IDE: variants seen among roughly 807,000 people sequenced by gnomAD.
The protein encoded by IDE is insulin-degrading enzyme.
In IDE, 58 loss-of-function variants were observed where a neutral mutation model predicts 133.2. The observed-to-expected ratio is 0.44, with a 90% CI of 0.35 to 0.54. The LOEUF (loss-of-function observed/expected upper bound fraction) is 0.54, where lower values mean the gene tolerates loss of function less well. Ranked by LOEUF, IDE falls within the 20% of genes least tolerant of loss-of-function variation. The probability of loss-of-function intolerance (pLI) is 0.00; values close to 1 mark genes in which losing one functional copy is unlikely to be tolerated. For missense variants in IDE, 981 were observed against 1,234.0 expected, an observed-to-expected ratio of 0.79 and a Z score of 3.07; for synonymous variants, 396 against 421.3, an observed-to-expected ratio of 0.94 and a Z score of 0.73.
rs143411530 is a variant in IDE, at chr10:92,553,222, T to A, written c.99-15672A>T. 7.4e-3 allele frequency among the ~76,000 whole-genome samples: 1,121 copies of A among 152,160 alleles called. 12 individuals are homozygous for A. Among genetic ancestry groups the A allele is most frequent in the African/African-American group, 0.026 (1,074 of 41,514 alleles). Reference sequence around the variant, plus strand: ...GCGGATCACCTGAAGTCAGGAGTTCTAGACCAGGTTGGCCAACATGGTGAA... The same window carrying A: ...GCGGATCACCTGAAGTCAGGAGTTCAAGACCAGGTTGGCCAACATGGTGAA... On this transcript the variant is annotated intron_variant, in intron 1 of 24. Transcript: ENST00000265986.
At chr10:92,511,210 T>C (rs1039034917) in intron 5 of IDE, among the ~76,000 whole-genome samples, 4 of 151,120 alleles carry the variant, frequency 2.6e-5, no homozygotes, top group Non-Finnish European at 5.9e-5. Context: ...CAAGTGATTC[T>C]CATGTCTCAG....
intron 1 of IDE, among the ~76,000 whole-genome samples, chr10:92,543,782 C>A (rs1249180786): frequency 6.6e-6 from 1 of 152,192 alleles, no homozygotes; most frequent in East Asian, 1.9e-4. Context: ...ACACAGAACA[C>A]TTTATAGAAA....
At chr10:92,517,467 G>A (rs1848991458) in intron 4 of IDE, among the ~76,000 whole-genome samples, 2 of 152,136 alleles carry the variant, frequency 1.3e-5, no homozygotes, top group Non-Finnish European at 2.9e-5. Context: ...GACTGCAGTG[G>A]TGTAATCACA....
At chr10:92,518,621 A>G (rs1389214267) in intron 4 of IDE, among the ~76,000 whole-genome samples, 3 of 152,222 alleles carry the variant, frequency 2.0e-5, no homozygotes, top group Non-Finnish European at 2.9e-5. Flanking sequence ...AGACATGTAC[A>G]ACAATTCCAT....
chr10:92,490,480 G>A lies in IDE; in HGVS notation c.1533+13C>T, dbSNP rs1190252928. 25 of 1,469,574 alleles carry A rather than the reference G, an allele frequency of 1.7e-5. No homozygotes were observed. Among genetic ancestry groups the A allele is most frequent in the Non-Finnish European group, 2.3e-5 (24 of 1,050,160 alleles). 91.0% of individuals were successfully genotyped at this position (1,469,574 alleles called of 1,614,324 possible). A position where few individuals can be genotyped will look rare whatever the true frequency, so the allele number is the denominator to read the frequency against. ...TCACATGTCAGGCTTATTCATAGAT[G>A]AGTTAACCCTACCTTGATGACTTCA... is the stretch of plus-strand genomic sequence containing the variant. On this transcript the variant is annotated intron_variant, in intron 12 of 24. Transcript: ENST00000265986.
chr10:92,456,358 C>T lies in IDE; in HGVS notation c.2896+1G>A, dbSNP rs965763686. On this transcript the variant is annotated splice_donor_variant, in intron 23 of 24. Transcript: ENST00000265986. LOFTEE classifies it high-confidence loss of function. ...CTAAAAAGGCAACATTTGATACTTACAAGAATCCATTTCCCTGGCAAGAAC... is the reference window on the plus strand; with the variant it reads ...CTAAAAAGGCAACATTTGATACTTATAAGAATCCATTTCCCTGGCAAGAAC... 1 of 1,610,552 alleles carries T rather than the reference C, an allele frequency of 6.2e-7. No individual in the cohort carries two copies. The highest frequency in any genetic ancestry group is 1.1e-5 in the South Asian group (1 of 91,026).
At chr10:92,461,964 G>A (rs1845417253) in intron 21 of IDE, among the ~76,000 whole-genome samples, 1 of 152,096 alleles carries the variant, frequency 6.6e-6, no homozygotes, top group Non-Finnish European at 1.5e-5. Context: ...GTGAGCCACT[G>A]TGCCTAGCCA....
At chr10:92,493,931 G>A (rs534052977) in intron 11 of IDE, among the ~76,000 whole-genome samples, 1 of 152,276 alleles carries the variant, frequency 6.6e-6, no homozygotes, top group South Asian at 2.1e-4. Flanking sequence ...GAGTGTGAAA[G>A]TACAGGGAAG....
At chr10:92,549,256 T>TAAA (rs34494546) in intron 1 of IDE, among the ~76,000 whole-genome samples, 3 of 146,222 alleles carry the variant, frequency 2.1e-5, no homozygotes, top group African/African-American at 7.6e-5. Context: ...GACTGTGTCT[T>TAAA]AAAAAAAAAA....
intron 15 of IDE, among the ~76,000 whole-genome samples, chr10:92,476,819 A>G (rs187454877): frequency 6.6e-6 from 1 of 152,366 alleles, no homozygotes; most frequent in East Asian, 1.9e-4. Context: ...GGCAGACTTA[A>G]GGTTTCTACA....
intron 11 of IDE, among the ~76,000 whole-genome samples, chr10:92,494,121 G>A (rs886197588): frequency 7.9e-5 from 12 of 152,016 alleles, no homozygotes; most frequent in Non-Finnish European, 1.6e-4. Flanking sequence ...TTGTACAGTG[G>A]TGTGATCATA....
At chr10:92,492,031 C>G (rs1017481118) in intron 11 of IDE, among the ~76,000 whole-genome samples, 1 of 152,084 alleles carries the variant, frequency 6.6e-6, no homozygotes, top group African/African-American at 2.4e-5. Flanking sequence ...GAGGCCAAGG[C>G]GGGAAGATCA....
chr10:92,515,101 T>G (rs1848833295), intron 4 of IDE, 59 bp from the exon 5 acceptor site: 1 of 1,382,032 alleles, frequency 7.2e-7, no homozygotes, highest in South Asian at 1.3e-5. Context: ...TTTTAAAGTT[T>G]TGTAATTATC....
At chr10:92,557,135 A>C (rs1165925787) in intron 1 of IDE, among the ~76,000 whole-genome samples, 1 of 152,080 alleles carries the variant, frequency 6.6e-6, no homozygotes, top group Admixed American at 6.6e-5. Flanking sequence ...GAGGACCCAG[A>C]ATGGTCAAAA....
At chr10:92,466,436 C>T (rs1260310633) in intron 19 of IDE, among the ~76,000 whole-genome samples, 3 of 151,428 alleles carry the variant, frequency 2.0e-5, no homozygotes, top group Non-Finnish European at 2.9e-5. Flanking sequence ...CTTGCCTCAG[C>T]CTCCTGAGTA....
rs188157423 is a variant in IDE at position 92,510,762 on chromosome 10, A to G, written c.785-600T>C. On this transcript the variant is annotated intron_variant, in intron 5 of 24. Transcript: ENST00000265986. ...GAAATATAGCACATACATCTCACAT[A>G]TATGATATATAGCACATACATCTCA... 1.7e-3 allele frequency among the ~76,000 whole-genome samples: 213 copies of G among 125,466 alleles called. 3 individuals carry two copies. The highest frequency in any genetic ancestry group is 4.5e-3 in the African/African-American group (139 of 31,086). 82.3% of individuals were successfully genotyped at this position (125,466 alleles called of 152,430 possible).
At chr10:92,512,105 C>T (rs915350986) in intron 5 of IDE, among the ~76,000 whole-genome samples, 1 of 152,196 alleles carries the variant, frequency 6.6e-6, no homozygotes, top group African/African-American at 2.4e-5. Flanking sequence ...GGTTTGGCAA[C>T]CTCAGTGTCT....
intron 1 of IDE, among the ~76,000 whole-genome samples, chr10:92,542,663 G>C (rs1022899718): frequency 6.6e-6 from 1 of 152,164 alleles, no homozygotes; most frequent in Non-Finnish European, 1.5e-5. Flanking sequence ...TCTAGGAGGG[G>C]GAGTAGAAGC....
At chr10:92,564,066 C>A (rs1843407025) in intron 1 of IDE, among the ~76,000 whole-genome samples, 1 of 151,580 alleles carries the variant, frequency 6.6e-6, no homozygotes, top group Non-Finnish European at 1.5e-5. Flanking sequence ...GGACCCAGAT[C>A]TATACTTTTC....
Sources: allele counts gnomAD v4.1 joint callset (sites outside exome capture counted in the v4.1 genomes callset), GRCh38; gene constraint gnomAD v4.1.1; transcripts MANE v1.5; gene names NCBI Gene and HGNC (gene_info 2026-07-23, HGNC 2026-07-21).